MACROD2: variants seen among roughly 807,000 people sequenced by gnomAD.
MACROD2 encodes mono-ADP ribosylhydrolase 2.
In MACROD2, 36 loss-of-function variants were observed where a neutral mutation model predicts 70.4. That is an observed-to-expected ratio of 0.51 (90% CI 0.39 to 0.68). The LOEUF (loss-of-function observed/expected upper bound fraction) is 0.68, where lower values mean the gene tolerates loss of function less well. MACROD2 is among the 30% of genes least tolerant of loss of function. MACROD2 has a pLI of 0.00. For synonymous variants in MACROD2, 172 were observed against 178.8 expected, an observed-to-expected ratio of 0.96 and a Z score of 0.30; for missense variants, 496 against 538.4, an observed-to-expected ratio of 0.92 and a Z score of 0.78.
At chr20:14,628,006 A>T (rs1340577894) in intron 4 of MACROD2, among the ~76,000 whole-genome samples, 1 of 152,236 alleles carries the variant, frequency 6.6e-6, no homozygotes, top group East Asian at 1.9e-4. Flanking sequence ...GAGCAGAGCA[A>T]CACAGAGAAA....
At chr20:14,851,203 T>A (rs1214541908) in intron 5 of MACROD2, among the ~76,000 whole-genome samples, 1 of 152,152 alleles carries the variant, frequency 6.6e-6, no homozygotes, top group Non-Finnish European at 1.5e-5. Flanking sequence ...TTTTTGGTTT[T>A]GGAAATTCTT....
At chr20:15,224,657 T>A (rs911554813) in intron 5 of MACROD2, among the ~76,000 whole-genome samples, 1 of 152,216 alleles carries the variant, frequency 6.6e-6, no homozygotes, top group Non-Finnish European at 1.5e-5. Context: ...ATAAGAAGTA[T>A]GCTCTGGCCG....
chr20:15,179,221 A>G (rs2076483395), intron 5 of MACROD2, among the ~76,000 whole-genome samples: 1 of 152,188 alleles, frequency 6.6e-6, no homozygotes, highest in Non-Finnish European at 1.5e-5. Flanking sequence ...GTAAATATAT[A>G]GGAAGTTATC....
intron 3 of MACROD2, among the ~76,000 whole-genome samples, chr20:14,183,966 T>C (rs375240505): frequency 3.0e-4 from 45 of 152,292 alleles, no homozygotes; most frequent in African/African-American, 8.4e-4. Flanking sequence ...TTTGCAAAAA[T>C]TTTCTTTCAT....
At chr20:15,809,035 C>A (rs2063794432) in intron 8 of MACROD2, among the ~76,000 whole-genome samples, 1 of 152,176 alleles carries the variant, frequency 6.6e-6, no homozygotes, top group Admixed American at 6.5e-5. Flanking sequence ...ACTAAGCCGA[C>A]AAGAACTATC....
chr20:14,142,825 A>G (rs2054894803), intron 3 of MACROD2, among the ~76,000 whole-genome samples: 1 of 152,130 alleles, frequency 6.6e-6, no homozygotes, highest in Admixed American at 6.5e-5. Context: ...ATTATGAATA[A>G]ATGTTATCTG....
intron 8 of MACROD2, among the ~76,000 whole-genome samples, chr20:15,644,314 A>T (rs962021605): frequency 1.3e-5 from 2 of 152,124 alleles, no homozygotes; most frequent in Admixed American, 1.3e-4. Context: ...ACAGAGAATC[A>T]TCCCTCTCTG....
chr20:14,378,748 A>G (rs1328787778), intron 3 of MACROD2, among the ~76,000 whole-genome samples: 1 of 152,152 alleles, frequency 6.6e-6, no homozygotes, highest in East Asian at 1.9e-4. Flanking sequence ...GGAGCCCTTA[A>G]CTACTATCTC....
intron 4 of MACROD2, among the ~76,000 whole-genome samples, chr20:14,516,855 A>G (rs974211249): frequency 2.3e-4 from 35 of 152,296 alleles, no homozygotes; most frequent in African/African-American, 7.9e-4. Context: ...GAAAAAAAGA[A>G]CCCCATCAAA....
chr20:15,008,513 C>A (rs553411446), intron 5 of MACROD2, among the ~76,000 whole-genome samples: 1 of 152,256 alleles, frequency 6.6e-6, no homozygotes, highest in South Asian at 2.1e-4. Context: ...AAGAGGAAAG[C>A]AAAGATGACC....
At chr20:15,184,085 C>CCCT (rs11473046) in intron 5 of MACROD2, among the ~76,000 whole-genome samples, 62,940 of 151,710 alleles carry the variant, frequency 0.41, 14,283 homozygotes, top group East Asian at 0.75. Flanking sequence ...TTTCAAGGAA[C>CCCT]CCTCCCCTTT....
chr20:14,252,309 C>G (rs1270199531), intron 3 of MACROD2, among the ~76,000 whole-genome samples: 1 of 151,838 alleles, frequency 6.6e-6, no homozygotes, highest in African/African-American at 2.4e-5. Context: ...CACTGTTCCC[C>G]CCTAATAATT....
intron 4 of MACROD2, among the ~76,000 whole-genome samples, chr20:14,494,640 A>G (rs2084833783): frequency 1.3e-5 from 2 of 152,152 alleles, no homozygotes; most frequent in Non-Finnish European, 2.9e-5. Flanking sequence ...GATAATATTA[A>G]CTATCTAAAG....
At chr20:15,658,213 TTCTC>T (rs202219201) in intron 8 of MACROD2, among the ~76,000 whole-genome samples, 23 of 145,874 alleles carry the variant, frequency 1.6e-4, no homozygotes, top group South Asian at 6.5e-4. Flanking sequence ...CTTTTTTCTT[TTCTC>T]TCTCTCTCTT....
chr20:14,917,518 A>C (rs2074106996), intron 5 of MACROD2, among the ~76,000 whole-genome samples: 1 of 151,948 alleles, frequency 6.6e-6, no homozygotes, highest in Non-Finnish European at 1.5e-5. Context: ...AACTCCCTCC[A>C]CCTGTCTATG....
At chr20:14,689,934 A>G (rs927963569) in intron 5 of MACROD2, among the ~76,000 whole-genome samples, 2 of 152,220 alleles carry the variant, frequency 1.3e-5, no homozygotes, top group African/African-American at 4.8e-5. Flanking sequence ...GGTGGAATAT[A>G]AAGGAAAAAT....
intron 3 of MACROD2, among the ~76,000 whole-genome samples, chr20:14,472,749 T>A (rs774522657): frequency 2.0e-5 from 3 of 152,170 alleles, no homozygotes; most frequent in Non-Finnish European, 4.4e-5. Flanking sequence ...AAATAGAAAT[T>A]TGTCCAGGGA....
At chr20:14,025,709 C>G (rs1463514506) in intron 2 of MACROD2, among the ~76,000 whole-genome samples, 2 of 152,118 alleles carry the variant, frequency 1.3e-5, no homozygotes, top group African/African-American at 4.8e-5. Flanking sequence ...GTCTGAGAGA[C>G]TGCTTGTTAT....
At chr20:15,921,940 C>T (rs1382449877) in intron 10 of MACROD2, among the ~76,000 whole-genome samples, 3 of 152,218 alleles carry the variant, frequency 2.0e-5, no homozygotes, top group Non-Finnish European at 2.9e-5. Flanking sequence ...TGAGGAGTCC[C>T]ACTCCAGGGG....
Sources: gnomAD v4.1 joint callset for allele counts (sites outside exome capture counted in the v4.1 genomes callset) on GRCh38, gnomAD v4.1.1 for gene constraint, MANE v1.5 for transcripts, NCBI Gene and HGNC (gene_info 2026-07-23, HGNC 2026-07-21) for gene names.